The following ITGA1 variants were observed in gnomAD, a reference collection of about 807,000 sequenced individuals.
ITGA1 encodes integrin alpha-1.
In ITGA1, 85 loss-of-function variants were observed where a neutral mutation model predicts 145.9. The ratio of observed to expected loss-of-function variants is 0.58; its 90% CI spans 0.49 to 0.70. The LOEUF (loss-of-function observed/expected upper bound fraction) is 0.70, where lower values mean the gene tolerates loss of function less well. Among genes scored for constraint, ITGA1 ranks in the 30% least tolerant of loss-of-function variants. The pLI is 0.00. For missense variants in ITGA1, 1,351 were observed against 1,418.7 expected (o/e 0.95, Z 0.77); for synonymous variants, 520 against 495.3 (o/e 1.05, Z -0.66).
chr5:52,943,814 C>T (rs1353297994), intron 26 of ITGA1, among the ~76,000 whole-genome samples: 1 of 152,168 alleles, frequency 6.6e-6, no homozygotes, highest in Non-Finnish European at 1.5e-5. Flanking sequence ...TAGATCTCAG[C>T]TTGGTACTCC....
At chr5:52,890,500 C>T (rs920794592) in intron 8 of ITGA1, among the ~76,000 whole-genome samples, 2 of 152,176 alleles carry the variant, frequency 1.3e-5, no homozygotes, top group Non-Finnish European at 2.9e-5. Flanking sequence ...TTGACAATTA[C>T]GTGCACCCAC....
Position 52,956,574 on chromosome 5 carries a change from TA to T in ITGA1, c.*4125del, listed in dbSNP as rs1751309144. 6.6e-6 allele frequency: 1 copy of T among 152,184 alleles called. No homozygotes were observed. The highest frequency in any genetic ancestry group is 1.5e-5 in the Non-Finnish European group (1 of 68,054). 9.4% of individuals were successfully genotyped at this position (152,184 alleles called of 1,614,324 possible). A position where few individuals can be genotyped will look rare whatever the true frequency, so the allele number is the denominator to read the frequency against. On this transcript the variant is annotated 3_prime_UTR_variant, in exon 29 of 29. Coordinates refer to ENST00000282588, the MANE Select transcript of ITGA1 (RefSeq NM_181501.2). ...GGTGTTCTAAAGGGTTCACATAGTA[TA>T]ATGGAGGAGGGACAAAGCAGAATAT...
Position 52,887,824 on chromosome 5 carries a change from A to C in ITGA1, c.783A>C (p.Ala261=), listed in dbSNP as rs1364007169. ...ALGIDTARKE[A]FTEARGARRG... is the part of the protein sequence containing the mutation. The stretch of plus-strand genomic sequence containing the variant: ...TTTGTGATTACTTTAGAAAGGAGGC[A>C]TTCACGGAAGCCCGGGGTGCCCGAA... Residue 261 remains alanine (A), a synonymous_variant, in exon 8 of 29, where the codon GCA becomes GCC. Transcript: ENST00000282588. 6.2e-7 allele frequency: 1 copy of C among 1,612,344 alleles called. No individual in the cohort carries two copies. The highest frequency in any genetic ancestry group is 1.3e-5 in the African/African-American group (1 of 74,902).
chr5:52,901,991 TTG>T (rs1325813657), intron 11 of ITGA1: 3 of 152,150 alleles, frequency 2.0e-5, no homozygotes, highest in Non-Finnish European at 4.4e-5. Context: ...GACAAATACC[TTG>T]TGTTTTTTTT....
intron 1 of ITGA1, among the ~76,000 whole-genome samples, chr5:52,820,223 G>T (rs1479677094): frequency 6.6e-6 from 1 of 151,694 alleles, no homozygotes; most frequent in Non-Finnish European, 1.5e-5. Context: ...GTCCTTTGTA[G>T]GGACATGGAT....
At position 52,952,555 on chromosome 5, in the gene ITGA1, C is replaced by T; in HGVS notation, c.*104C>T. Reference sequence around the variant, plus strand: ...TATAATTCATGACATAGTCATGTAACTATGTAATCCATCAGGGATTCATTA... The same window carrying T: ...TATAATTCATGACATAGTCATGTAATTATGTAATCCATCAGGGATTCATTA... On this transcript the variant is annotated 3_prime_UTR_variant, in exon 29 of 29. Transcript: ENST00000282588. 1 of 472,322 alleles carries T rather than the reference C, an allele frequency of 2.1e-6. No homozygotes were observed. Among genetic ancestry groups the T allele is most frequent in the Non-Finnish European group, 3.8e-6 (1 of 264,836 alleles). The allele number at this position is 472,322 out of a possible 1,614,324, so 29.3% of individuals were successfully genotyped here.
chr5:52,879,140 G>T (rs1749914740), intron 6 of ITGA1, among the ~76,000 whole-genome samples: 1 of 152,014 alleles, frequency 6.6e-6, no homozygotes, highest in Non-Finnish European at 1.5e-5. Context: ...GGAGAAGATG[G>T]CTAGAGGAAA....
At chr5:52,801,388 CTT>C (rs1561212136) in intron 1 of ITGA1, 1 of 1,592,296 alleles carries the variant, frequency 6.3e-7, no homozygotes, top group South Asian at 1.1e-5. Flanking sequence ...TTTTGCCTAA[CTT>C]TTGTAATTGT....
rs1022216209 is a variant in ITGA1, at chr5:52,954,518, T to C, written c.*2067T>C. The C allele has an allele frequency of 3.3e-5, 5 of 152,330 alleles. No individual in the cohort carries two copies. Among genetic ancestry groups the C allele is most frequent in the Admixed American group, 1.3e-4 (2 of 15,302 alleles). 9.4% of individuals were successfully genotyped at this position (152,330 alleles called of 1,614,324 possible). A position where few individuals can be genotyped will look rare whatever the true frequency, so the allele number is the denominator to read the frequency against. On this transcript the variant is annotated 3_prime_UTR_variant, in exon 29 of 29. Coordinates refer to ENST00000282588, the MANE Select transcript of ITGA1 (RefSeq NM_181501.2). ...GTTGGCCAGATCAAAGAGATACTTA[T>C]AAGCCCGGCACAATTTTTAACATAA...
At chr5:52,913,058 T>C (rs1317875664) in intron 14 of ITGA1, among the ~76,000 whole-genome samples, 1 of 152,120 alleles carries the variant, frequency 6.6e-6, no homozygotes, top group African/African-American at 2.4e-5. Context: ...AATTACTTTA[T>C]ATTTTATACA....
At chr5:52,878,060 G>T (rs1749894936) in intron 6 of ITGA1, among the ~76,000 whole-genome samples, 1 of 152,176 alleles carries the variant, frequency 6.6e-6, no homozygotes, top group South Asian at 2.1e-4. Context: ...GATATGGAAG[G>T]GGAGTTTCTA....
At chr5:52,875,081 G>A (rs1161546159) in intron 6 of ITGA1, among the ~76,000 whole-genome samples, 1 of 152,184 alleles carries the variant, frequency 6.6e-6, no homozygotes, top group Non-Finnish European at 1.5e-5. Flanking sequence ...GTAGGGATAG[G>A]AGTAAGAGAA....
intron 13 of ITGA1, among the ~76,000 whole-genome samples, chr5:52,909,654 T>A (rs1174130599): frequency 6.6e-6 from 1 of 152,062 alleles, no homozygotes; most frequent in Non-Finnish European, 1.5e-5. Context: ...ATCATGTGTC[T>A]TTCTTCCTAT....
intron 1 of ITGA1, among the ~76,000 whole-genome samples, chr5:52,799,398 C>G (rs1046878063): frequency 6.6e-6 from 1 of 152,146 alleles, no homozygotes. Flanking sequence ...TGCGACCCAA[C>G]CCCCAACCTA....
chr5:52,939,268 C>CT (rs1182830509), intron 24 of ITGA1, among the ~76,000 whole-genome samples: 2 of 103,326 alleles, frequency 1.9e-5, no homozygotes, highest in Non-Finnish European at 4.2e-5. Context: ...AATTTATAAG[C>CT]TTATCTTTGA....
At chr5:52,891,923 T>A (rs193031368) in intron 8 of ITGA1, among the ~76,000 whole-genome samples, 100 of 152,178 alleles carry the variant, frequency 6.6e-4, no homozygotes, top group Admixed American at 4.1e-3. Context: ...ACATAAAAAA[T>A]TTTTACATTA....
intron 9 of ITGA1, among the ~76,000 whole-genome samples, chr5:52,896,105 C>T (rs576469579): frequency 2.6e-5 from 4 of 152,296 alleles, no homozygotes; most frequent in African/African-American, 7.2e-5. Flanking sequence ...TAACCAGAGG[C>T]TGCACAGTGG....
intron 28 of ITGA1, among the ~76,000 whole-genome samples, chr5:52,949,128 G>C (rs1751179414): frequency 6.6e-6 from 1 of 152,078 alleles, no homozygotes; most frequent in African/African-American, 2.4e-5. Context: ...AAATAGTTCA[G>C]CCACTTCATT....
intron 1 of ITGA1, among the ~76,000 whole-genome samples, chr5:52,831,626 T>G (rs1749071983): frequency 6.6e-6 from 1 of 152,062 alleles, no homozygotes; most frequent in South Asian, 2.1e-4. Flanking sequence ...TTTTTCTTTT[T>G]TTTTTTTAAC....
Sources: allele counts gnomAD v4.1 joint callset (sites outside exome capture counted in the v4.1 genomes callset), GRCh38; gene constraint gnomAD v4.1.1; transcripts MANE v1.5; gene names NCBI Gene and HGNC (gene_info 2026-07-23, HGNC 2026-07-21).